The following ALG6 variants were observed in gnomAD, a reference collection of about 807,000 sequenced individuals.
The protein encoded by ALG6 is dolichyl pyrophosphate Man9GlcNAc2 alpha-1,3-glucosyltransferase.
Under a neutral mutation model 66.6 loss-of-function variants are expected in ALG6, and 46 were observed. That is an observed-to-expected ratio of 0.69 (90% CI 0.55 to 0.88). The LOEUF (loss-of-function observed/expected upper bound fraction) is 0.88, where lower values mean the gene tolerates loss of function less well. ALG6 is among the 40% of genes least tolerant of loss of function. The pLI, the probability that ALG6 is intolerant of heterozygous loss-of-function variation, is 0.00. For missense variants in ALG6, 505 were observed against 586.8 expected, an observed-to-expected ratio of 0.86 and a Z score of 1.44; for synonymous variants, 185 against 203.7, an observed-to-expected ratio of 0.91 and a Z score of 0.78.
chr1:63,372,971 T>C (rs1361521950), intron 2 of ALG6, among the ~76,000 whole-genome samples: 1 of 151,050 alleles, frequency 6.6e-6, no homozygotes. Context: ...AGCTCTTACA[T>C]ATAGATGTAT....
intron 12 of ALG6, among the ~76,000 whole-genome samples, chr1:63,420,055 T>C (rs1341725555): frequency 2.0e-5 from 3 of 152,188 alleles, no homozygotes; most frequent in Non-Finnish European, 4.4e-5. Context: ...CCACTACTGC[T>C]CTACCCCTCA....
At position 63,433,815 on chromosome 1, in the gene ALG6, A is replaced by G. The variant is rs576468658; in HGVS notation, c.1327-3008A>G. Among the ~76,000 whole-genome samples, 2 of 152,356 alleles carry G rather than the reference A, an allele frequency of 1.3e-5. No individual in the cohort carries two copies. The highest frequency in any genetic ancestry group is 4.1e-4 in the South Asian group (2 of 4,828). ...TTGCATTCTAGTGGAGAAATCCAGCACCAGCATATGTAAAATATATGGCAT... is the reference window on the plus strand; with the variant it reads ...TTGCATTCTAGTGGAGAAATCCAGCGCCAGCATATGTAAAATATATGGCAT... On this transcript the variant is annotated intron_variant, in intron 14 of 14. Coordinates refer to ENST00000263440, the MANE Select transcript of ALG6 (RefSeq NM_013339.4). The surrounding 1 kb of genome is among the most constrained non-coding windows in gnomAD (Gnocchi z 4.2).
intron 5 of ALG6, 134 bp downstream of exon 5, chr1:63,404,675 C>A: frequency 1.3e-6 from 1 of 741,810 alleles, no homozygotes; most frequent in Non-Finnish European, 2.4e-6. Flanking sequence ...TACAAATATA[C>A]ATATTTGTAT....
intron 2 of ALG6, among the ~76,000 whole-genome samples, chr1:63,377,860 A>G (rs1225180915): frequency 6.6e-6 from 1 of 152,110 alleles, no homozygotes; most frequent in Non-Finnish European, 1.5e-5. Flanking sequence ...CAGCCTCCCC[A>G]GTAGCTGGAA....
At chr1:63,411,664 ACT>A (rs1030255402) in intron 8 of ALG6, among the ~76,000 whole-genome samples, 1 of 152,118 alleles carries the variant, frequency 6.6e-6, no homozygotes, top group African/African-American at 2.4e-5. Context: ...TCATGAATGC[ACT>A]CTCTTATTCC....
At chr1:63,422,373 A>ATC (rs1644588270) in intron 12 of ALG6, among the ~76,000 whole-genome samples, 1 of 114,862 alleles carries the variant, frequency 8.7e-6, no homozygotes, top group Non-Finnish European at 1.7e-5. Context: ...ATAAATATAT[A>ATC]TAAGTATAAA....
intron 2 of ALG6, among the ~76,000 whole-genome samples, chr1:63,391,474 A>G (rs1177500918): frequency 1.3e-5 from 2 of 152,160 alleles, no homozygotes; most frequent in Non-Finnish European, 2.9e-5. Context: ...TTTGGAGATA[A>G]AGATGCTTCT....
chr1:63,389,208 C>T (rs1311596089), intron 2 of ALG6, among the ~76,000 whole-genome samples: 1 of 152,154 alleles, frequency 6.6e-6, no homozygotes, highest in Admixed American at 6.5e-5. Context: ...AGGCCAGAAG[C>T]TCTTAGATTT....
intron 14 of ALG6, among the ~76,000 whole-genome samples, chr1:63,430,194 T>C (rs1644638804): frequency 1.3e-5 from 2 of 152,220 alleles, no homozygotes; most frequent in African/African-American, 2.4e-5. Context: ...TAGCATATTT[T>C]TGAGGTTCAT....
At chr1:63,430,666 T>C (rs190095109) in intron 14 of ALG6, among the ~76,000 whole-genome samples, 40 of 152,360 alleles carry the variant, frequency 2.6e-4, no homozygotes, top group Non-Finnish European at 4.1e-4. Flanking sequence ...CATCTTTTCA[T>C]GTGCTTATCG....
intron 2 of ALG6, among the ~76,000 whole-genome samples, chr1:63,379,382 T>C (rs988113941): frequency 3.3e-5 from 5 of 152,224 alleles, no homozygotes; most frequent in South Asian, 2.1e-4. Flanking sequence ...GGAGTTTTCA[T>C]AGGACTCTTT....
chr1:63,411,333 T>G lies in ALG6; in HGVS notation c.680+2T>G, dbSNP rs868768232. The G allele has an allele frequency of 1.2e-6, 2 of 1,612,972 alleles. No homozygotes were observed. The highest frequency in any genetic ancestry group is 8.5e-7 in the Non-Finnish European group (1 of 1,179,636). On this transcript the variant is annotated splice_donor_variant, in intron 8 of 14. Coordinates refer to ENST00000263440, the MANE Select transcript of ALG6 (RefSeq NM_013339.4). LOFTEE classifies it high-confidence loss of function. ...TAAAAAAGGCCTCAAAGGAAAGGGG[T>G]GAGTGACTTTTAAACACTAGAATCC...
chr1:63,371,589 C>CATTTTATTTT (rs540220728), intron 2 of ALG6, among the ~76,000 whole-genome samples: 7 of 151,952 alleles, frequency 4.6e-5, no homozygotes, highest in African/African-American at 1.7e-4. Flanking sequence ...AGAGGGCCCA[C>CATTTTATTTT]ATTTTATTTT....
intron 12 of ALG6, among the ~76,000 whole-genome samples, chr1:63,420,172 T>G (rs1046916407): frequency 1.3e-5 from 2 of 152,166 alleles, no homozygotes; most frequent in African/African-American, 4.8e-5. Context: ...AAAACCTTCG[T>G]GCAGAGCTGG....
At position 63,437,726 on chromosome 1, in the gene ALG6, CTT is replaced by C. The variant is rs1292212104; in HGVS notation, c.*708_*709del. On this transcript the variant is annotated 3_prime_UTR_variant, in exon 15 of 15. Coordinates refer to ENST00000263440, the MANE Select transcript of ALG6 (RefSeq NM_013339.4). Reference sequence around the variant, plus strand: ...AATTTAAATGTAAGCTTTAACTTAACTTTAAGTGGTTTGAGTGAAGTCTTCTA... The same window carrying C: ...AATTTAAATGTAAGCTTTAACTTAACTAAGTGGTTTGAGTGAAGTCTTCTA... 6.6e-6 allele frequency: 1 copy of C among 151,424 alleles called. No homozygotes were observed. The highest frequency in any genetic ancestry group is 2.4e-5 in the African/African-American group (1 of 40,880). The allele number at this position is 151,424 out of a possible 1,614,324, so 9.4% of individuals were successfully genotyped here. A position where few individuals can be genotyped will look rare whatever the true frequency, so the allele number is the denominator to read the frequency against.
intron 2 of ALG6, among the ~76,000 whole-genome samples, chr1:63,375,314 G>A (rs1471826998): frequency 6.6e-6 from 1 of 151,500 alleles, no homozygotes; most frequent in African/African-American, 2.4e-5. Flanking sequence ...GTGCAATCTC[G>A]GCTCACTACA....
At chr1:63,371,432 T>C (rs1570026902) in intron 2 of ALG6, 2 of 262,520 alleles carry the variant, frequency 7.6e-6, no homozygotes, top group East Asian at 1.0e-4. Flanking sequence ...AAGAATAAAA[T>C]TGGGAATGAG....
chr1:63,382,655 GTTTTTTT>G (rs1388211782), intron 2 of ALG6, among the ~76,000 whole-genome samples: 7 of 81,242 alleles, frequency 8.6e-5, no homozygotes, highest in East Asian at 8.0e-4. Context: ...TTTTTTGTTT[GTTTTTTT>G]TTGTTTTTTT....
At chr1:63,432,788 A>G (rs1644654177) in intron 14 of ALG6, among the ~76,000 whole-genome samples, 2 of 152,206 alleles carry the variant, frequency 1.3e-5, no homozygotes, top group Non-Finnish European at 2.9e-5. Flanking sequence ...TGTTGTTGAG[A>G]CAGGATCTCA....
Sources: gnomAD v4.1 joint callset for allele counts (sites outside exome capture counted in the v4.1 genomes callset) on GRCh38, gnomAD v4.1.1 for gene constraint, Gnocchi (gnomAD v3.1) non-coding constraint, MANE v1.5 for transcripts, NCBI Gene and HGNC (gene_info 2026-07-23, HGNC 2026-07-21) for gene names.